The following PPP1R12A variants were observed in gnomAD, a reference collection of about 807,000 sequenced individuals.
The protein encoded by PPP1R12A is myosin binding subunit.
Under a neutral mutation model 139.6 loss-of-function variants are expected in PPP1R12A, and 19 were observed. The observed-to-expected ratio is 0.14, with a 90% CI of 0.09 to 0.20. The LOEUF (loss-of-function observed/expected upper bound fraction) is 0.20. Ranked by LOEUF, PPP1R12A falls within the 10% of genes least tolerant of loss-of-function variation. The pLI is 1.00. For synonymous variants in PPP1R12A, 427 were observed against 420.6 expected, an observed-to-expected ratio of 1.02 and a Z score of -0.19; for missense variants, 925 against 1,211.5, an observed-to-expected ratio of 0.76 and a Z score of 3.51.
At chr12:79,910,881 T>C (rs985048211) in intron 1 of PPP1R12A, among the ~76,000 whole-genome samples, 31 of 152,194 alleles carry the variant, frequency 2.0e-4, no homozygotes, top group African/African-American at 7.2e-4. Context: ...CTTCTTAATT[T>C]CTAACACAAA....
intron 10 of PPP1R12A, among the ~76,000 whole-genome samples, chr12:79,809,074 ACT>A (rs1478994652): frequency 1.3e-5 from 2 of 152,096 alleles, no homozygotes; most frequent in Non-Finnish European, 2.9e-5. Flanking sequence ...TGACAATGAC[ACT>A]CTGATACATT....
intron 2 of PPP1R12A, among the ~76,000 whole-genome samples, chr12:79,848,057 G>C (rs1384409523): frequency 6.6e-6 from 1 of 151,990 alleles, no homozygotes; most frequent in Non-Finnish European, 1.5e-5. Flanking sequence ...AGTTTGTTCT[G>C]GACATGTGTA....
intron 2 of PPP1R12A, among the ~76,000 whole-genome samples, chr12:79,853,651 C>G (rs1880306157): frequency 6.6e-6 from 1 of 152,198 alleles, no homozygotes; most frequent in Non-Finnish European, 1.5e-5. Context: ...ATGCTCAAGA[C>G]AGAATCTTTC....
chr12:79,818,145 C>T (rs2137102922), intron 8 of PPP1R12A, among the ~76,000 whole-genome samples: 1 of 152,292 alleles, frequency 6.6e-6, no homozygotes, highest in East Asian at 1.9e-4. Context: ...GCCCTAGGTA[C>T]TAGGGATATA....
chr12:79,904,418 A>C (rs964005450), intron 1 of PPP1R12A, among the ~76,000 whole-genome samples: 1 of 152,024 alleles, frequency 6.6e-6, no homozygotes, highest in African/African-American at 2.4e-5. Context: ...CTACCTAACA[A>C]AACATTTTGA....
chr12:79,925,280 G>T (rs548573032), intron 1 of PPP1R12A, among the ~76,000 whole-genome samples: 2 of 152,088 alleles, frequency 1.3e-5, no homozygotes, highest in East Asian at 1.9e-4. Flanking sequence ...GTGTGTGTGT[G>T]TAACAGTCCA....
chr12:79,931,568 T>C (rs1434278888), intron 1 of PPP1R12A, among the ~76,000 whole-genome samples: 1 of 152,138 alleles, frequency 6.6e-6, no homozygotes, highest in Non-Finnish European at 1.5e-5. Flanking sequence ...AATAAGGCAT[T>C]CTATATATAA....
chr12:79,879,916 A>T (rs1883472085), intron 1 of PPP1R12A, among the ~76,000 whole-genome samples: 1 of 152,026 alleles, frequency 6.6e-6, no homozygotes, highest in Non-Finnish European at 1.5e-5. Context: ...ACTATGTATC[A>T]CTTAAAATAT....
At chr12:79,779,332 TACTG>T in intron 23 of PPP1R12A, 3 of 1,289,136 alleles carry the variant, frequency 2.3e-6, no homozygotes, top group African/African-American at 1.5e-5. Context: ...GCCCAGAAGA[TACTG>T]ACTCTTGCCG....
chr12:79,779,192 G>T, intron 23 of PPP1R12A: 1 of 699,948 alleles, frequency 1.4e-6, no homozygotes, highest in Non-Finnish European at 2.1e-6. Context: ...AGAGTGACAG[G>T]CAAAGCCAAC....
intron 3 of PPP1R12A, among the ~76,000 whole-genome samples, chr12:79,836,586 A>G (rs920027467): frequency 1.7e-4 from 26 of 152,212 alleles, no homozygotes; most frequent in African/African-American, 6.0e-4. Flanking sequence ...GTTAACGTGA[A>G]GGGCAATTCC....
At chr12:79,875,136 G>C (rs776717923) in intron 1 of PPP1R12A, among the ~76,000 whole-genome samples, 1 of 151,974 alleles carries the variant, frequency 6.6e-6, no homozygotes, top group Non-Finnish European at 1.5e-5. Flanking sequence ...TTTCAGATTA[G>C]GGATATATCT....
chr12:79,817,346 TAC>T, intron 9 of PPP1R12A, 46 bp downstream of exon 9: 7 of 1,558,326 alleles, frequency 4.5e-6, no homozygotes, highest in Non-Finnish European at 6.1e-6. Context: ...GTCCAAGTGG[TAC>T]ATAAATAGAA....
intron 14 of PPP1R12A, among the ~76,000 whole-genome samples, chr12:79,799,734 G>C (rs1487026208): frequency 1.3e-5 from 2 of 152,146 alleles, no homozygotes; most frequent in Non-Finnish European, 2.9e-5. Context: ...GTAGGGCTGG[G>C]TGTGGTGGGT....
chr12:79,806,105 A>G (rs1873796204), intron 13 of PPP1R12A, 61 bp downstream of exon 13: 1 of 1,508,610 alleles, frequency 6.6e-7, no homozygotes, highest in Admixed American at 2.2e-5. Flanking sequence ...TTCTAAACAA[A>G]AACGCATGCA....
At chr12:79,929,900 C>T (rs908965645) in intron 1 of PPP1R12A, among the ~76,000 whole-genome samples, 5 of 152,022 alleles carry the variant, frequency 3.3e-5, no homozygotes, top group East Asian at 1.9e-4. Context: ...GTATCTGATG[C>T]GAAGGTTTCA....
At chr12:79,800,765 G>A (rs780238995) in intron 14 of PPP1R12A, among the ~76,000 whole-genome samples, 3 of 140,936 alleles carry the variant, frequency 2.1e-5, no homozygotes, top group South Asian at 2.2e-4. Flanking sequence ...ACGGAGTCTC[G>A]CTCTGTCGCC....
At chr12:79,925,792 T>A (rs183000444) in intron 1 of PPP1R12A, among the ~76,000 whole-genome samples, 1 of 151,992 alleles carries the variant, frequency 6.6e-6, no homozygotes, top group Non-Finnish European at 1.5e-5. Context: ...AAAACACTAA[T>A]AAGGTCAGAA....
intron 8 of PPP1R12A, among the ~76,000 whole-genome samples, chr12:79,819,853 G>C (rs1314464658): frequency 1.3e-5 from 2 of 151,938 alleles, no homozygotes; most frequent in African/African-American, 4.8e-5. Flanking sequence ...AGGATCACTT[G>C]AACCCAGGAG....
Sources: allele counts gnomAD v4.1 joint callset (sites outside exome capture counted in the v4.1 genomes callset), GRCh38; gene constraint gnomAD v4.1.1; transcripts MANE v1.5; gene names NCBI Gene and HGNC (gene_info 2026-07-23, HGNC 2026-07-21).